Variants in IGSF21 observed in about 807,000 individuals in gnomAD.
IGSF21 encodes immunoglobin superfamily member 21.
IGSF21 carries 28 observed loss-of-function variants against 46.8 expected under a neutral mutation model. The ratio of observed to expected loss-of-function variants is 0.60; its 90% CI spans 0.44 to 0.82. The LOEUF is 0.82. IGSF21 is among the 40% of genes least tolerant of loss of function. The probability of loss-of-function intolerance (pLI) is 0.00; values close to 1 mark genes in which losing one functional copy is unlikely to be tolerated. For synonymous variants in IGSF21, 284 were observed against 273.6 expected (o/e 1.04, Z -0.38); for missense variants, 624 against 665.5 (o/e 0.94, Z 0.69).
chr1:18,213,893 C>T (rs573062008), intron 1 of IGSF21, among the ~76,000 whole-genome samples: 1 of 152,284 alleles, frequency 6.6e-6, no homozygotes, highest in Admixed American at 6.5e-5. Context: ...CCCTGCCCAA[C>T]ACTTCAAAGG....
rs1468451128 is a variant in IGSF21, at chr1:18,128,633, A to G, written c.70+20435A>G. On this transcript the variant is annotated intron_variant, in intron 1 of 9. Transcript: ENST00000251296. ...GCAATTCTAGACCTGTTCTTATTTA[A>G]TTCTTGCAGAACTCCACGTGGTGGG... 2.0e-5 allele frequency among the ~76,000 whole-genome samples: 3 copies of G among 152,128 alleles called. No homozygotes were observed. The East Asian group carries it at 5.8e-4, about 29-fold the overall frequency.
At chr1:18,303,355 T>G (rs1387619044) in intron 3 of IGSF21, among the ~76,000 whole-genome samples, 1 of 152,132 alleles carries the variant, frequency 6.6e-6, no homozygotes, top group Non-Finnish European at 1.5e-5. Flanking sequence ...GCACAAGAGC[T>G]GAGAGCTCCC....
chr1:18,376,739 C>A, intron 7 of IGSF21, 61 bp from the exon 8 acceptor site: 1 of 1,505,554 alleles, frequency 6.6e-7, no homozygotes. Flanking sequence ...CCCCTGACCC[C>A]TTGCTGATCT....
intron 2 of IGSF21, among the ~76,000 whole-genome samples, chr1:18,241,585 A>T (rs1490170226): frequency 6.6e-6 from 1 of 152,126 alleles, no homozygotes; most frequent in Non-Finnish European, 1.5e-5. Flanking sequence ...GGTTGGAGGG[A>T]TTTCCCCCTG....
chr1:18,260,781 C>T (rs1342876126), intron 2 of IGSF21, among the ~76,000 whole-genome samples: 1 of 152,174 alleles, frequency 6.6e-6, no homozygotes, highest in Non-Finnish European at 1.5e-5. Flanking sequence ...TTTAGCTATT[C>T]CTCAGTTTGG....
At chr1:18,358,044 A>T (rs913807848) in intron 4 of IGSF21, among the ~76,000 whole-genome samples, 7 of 151,032 alleles carry the variant, frequency 4.6e-5, no homozygotes, top group Non-Finnish European at 7.4e-5. Flanking sequence ...AGAGAGAGAG[A>T]GAGTGTGTGT....
intron 3 of IGSF21, among the ~76,000 whole-genome samples, chr1:18,298,593 C>A (rs964056680): frequency 3.9e-5 from 6 of 152,188 alleles, no homozygotes; most frequent in African/African-American, 1.4e-4. Flanking sequence ...CTGGGCTGCA[C>A]CTTTTGATGT....
At chr1:18,201,129 G>C (rs935429078) in intron 1 of IGSF21, among the ~76,000 whole-genome samples, 1 of 152,178 alleles carries the variant, frequency 6.6e-6, no homozygotes. Flanking sequence ...CTGGGTAGAG[G>C]AAGGAGCTTG....
chr1:18,180,543 A>T (rs908577535), intron 1 of IGSF21, among the ~76,000 whole-genome samples: 1 of 152,156 alleles, frequency 6.6e-6, no homozygotes, highest in Non-Finnish European at 1.5e-5. Flanking sequence ...CCAAGGTTTG[A>T]GCAAAAAAGT....
intron 2 of IGSF21, among the ~76,000 whole-genome samples, chr1:18,279,934 G>T (rs2085142815): frequency 6.6e-6 from 1 of 152,240 alleles, no homozygotes; most frequent in South Asian, 2.1e-4. Context: ...TGCTAAGTGG[G>T]GTGGGCCAGG....
In IGSF21 at chr1:18,118,292, G is replaced by A. The variant is rs1169806651; in HGVS notation, c.70+10094G>A. Among the ~76,000 whole-genome samples, 7 of 151,524 alleles carry A rather than the reference G, an allele frequency of 4.6e-5. No individual in the cohort carries two copies. In the East Asian group the frequency reaches 9.9e-4, roughly 21 times the overall value. ...TCTTCCTCCTTTTTTCCCTAACGCC[G>A]CCCCAAAGGAAGGCGTTCATCACAG... is the stretch of plus-strand genomic sequence containing the variant. On this transcript the variant is annotated intron_variant, in intron 1 of 9. Transcript: ENST00000251296.
At chr1:18,108,226 C>G (rs905263968) in intron 1 of IGSF21, 28 bp downstream of exon 1, 2 of 1,340,984 alleles carry the variant, frequency 1.5e-6, no homozygotes. Flanking sequence ...TGGCGGGAGC[C>G]GAGCGGTGAA....
chr1:18,274,650 A>G (rs1427819161), intron 2 of IGSF21, among the ~76,000 whole-genome samples: 1 of 152,246 alleles, frequency 6.6e-6, no homozygotes, highest in Admixed American at 6.5e-5. Context: ...TCTTACAGAG[A>G]AAGTTTGCTG....
chr1:18,194,920 G>A (rs1412217610), intron 1 of IGSF21, among the ~76,000 whole-genome samples: 2 of 152,250 alleles, frequency 1.3e-5, no homozygotes, highest in African/African-American at 4.8e-5. Flanking sequence ...CATGGTGGAA[G>A]ATGAATGAGG....
chr1:18,366,487 G>A (rs536349223), intron 6 of IGSF21, among the ~76,000 whole-genome samples: 1 of 152,260 alleles, frequency 6.6e-6, no homozygotes, highest in African/African-American at 2.4e-5. Context: ...CATGGGAGGT[G>A]ACAGGGAGAT....
intron 1 of IGSF21, among the ~76,000 whole-genome samples, chr1:18,197,112 AC>A (rs1416478840): frequency 5.3e-5 from 8 of 152,232 alleles, no homozygotes; most frequent in African/African-American, 1.7e-4. Flanking sequence ...AAAGGAGGTG[AC>A]GTGCTCAGAG....
At chr1:18,254,950 T>C (rs1290634022) in intron 2 of IGSF21, among the ~76,000 whole-genome samples, 1 of 152,222 alleles carries the variant, frequency 6.6e-6, no homozygotes, top group Non-Finnish European at 1.5e-5. Context: ...CACTGGGCCC[T>C]CAGCACTGTG....
At chr1:18,144,844 T>G (rs1210881278) in intron 1 of IGSF21, among the ~76,000 whole-genome samples, 4 of 152,076 alleles carry the variant, frequency 2.6e-5, no homozygotes, top group African/African-American at 9.7e-5. Flanking sequence ...ATGTTTAACT[T>G]CTCCGTGCCT....
chr1:18,128,654 G>C (rs1229223499), intron 1 of IGSF21, among the ~76,000 whole-genome samples: 1 of 152,116 alleles, frequency 6.6e-6, no homozygotes, highest in Non-Finnish European at 1.5e-5. Context: ...ACTCCACGTG[G>C]TGGGCCCTAC....
Sources: allele counts gnomAD v4.1 joint callset (sites outside exome capture counted in the v4.1 genomes callset), GRCh38; gene constraint gnomAD v4.1.1; transcripts MANE v1.5; gene names NCBI Gene and HGNC (gene_info 2026-07-23, HGNC 2026-07-21).